The following FRMD3 variants were observed in gnomAD, a reference collection of about 807,000 sequenced individuals.
The protein encoded by FRMD3 is FERM domain containing 3, also known as FERM domain-containing protein 3.
Under a neutral mutation model 70.2 loss-of-function variants are expected in FRMD3, and 33 were observed. That is an observed-to-expected ratio of 0.47 (90% CI 0.36 to 0.63). The LOEUF (loss-of-function observed/expected upper bound fraction) is 0.63, where lower values mean the gene tolerates loss of function less well. FRMD3 is among the 20% of genes least tolerant of loss of function. The pLI is 0.00. For synonymous variants in FRMD3, 279 were observed against 255.9 expected (o/e 1.09, Z -0.86); for missense variants, 632 against 711.4 (o/e 0.89, Z 1.27).
chr9:83,370,930 AGTTG>A (rs140845247), intron 3 of FRMD3, among the ~76,000 whole-genome samples: 10,718 of 152,212 alleles, frequency 0.07, 433 homozygotes, highest in East Asian at 0.14. Flanking sequence ...TATGCATTTT[AGTTG>A]GTTGTTCAGA....
intron 5 of FRMD3, among the ~76,000 whole-genome samples, chr9:83,335,880 T>C (rs1438407658): frequency 6.6e-6 from 1 of 152,178 alleles, no homozygotes; most frequent in Non-Finnish European, 1.5e-5. Flanking sequence ...ATCAGTATAA[T>C]AAAGGATTTA....
At chr9:83,439,602 C>T (rs1031697806) in intron 1 of FRMD3, among the ~76,000 whole-genome samples, 3 of 152,244 alleles carry the variant, frequency 2.0e-5, no homozygotes, top group African/African-American at 7.2e-5. Flanking sequence ...GACGAAACCC[C>T]ATTTTAGCAG....
At chr9:83,559,939 G>A in the FRMD3 span, among the ~76,000 whole-genome samples, 1 of 151,732 alleles carries the variant, frequency 6.6e-6, no homozygotes, top group African/African-American at 2.4e-5. Flanking sequence ...CTTATTATAA[G>A]TATATACAGA....
chr9:83,284,063 T>TTTGTTA (rs1834092497), intron 13 of FRMD3, among the ~76,000 whole-genome samples: 1 of 8,100 alleles, frequency 1.2e-4, no homozygotes, highest in Non-Finnish European at 1.3e-3. Flanking sequence ...AGGATGTTAT[T>TTTGTTA]TTTTTTTTTT....
chr9:83,373,974 G>A (rs925641626), intron 2 of FRMD3, among the ~76,000 whole-genome samples: 1 of 152,194 alleles, frequency 6.6e-6, no homozygotes, highest in Non-Finnish European at 1.5e-5. Context: ...CATAATAAGA[G>A]CTGGCATTTG....
chr9:83,464,822 C>T (rs1246008697), intron 1 of FRMD3, among the ~76,000 whole-genome samples: 3 of 152,044 alleles, frequency 2.0e-5, no homozygotes, highest in African/African-American at 7.2e-5. Context: ...AATTCAAGAC[C>T]AGCCTGGCGA....
At chr9:83,527,611 C>T (rs868651253) in intron 1 of FRMD3, among the ~76,000 whole-genome samples, 10 of 152,256 alleles carry the variant, frequency 6.6e-5, no homozygotes, top group African/African-American at 2.2e-4. Flanking sequence ...CACCTGGAAG[C>T]GTGCTAAGAA....
intron 1 of FRMD3, among the ~76,000 whole-genome samples, chr9:83,493,038 T>TCC (rs771683922): frequency 4.2e-4 from 64 of 152,018 alleles, no homozygotes; most frequent in Non-Finnish European, 6.9e-4. Context: ...CTAGAATCCC[T>TCC]CCCTTGACTT....
At chr9:83,283,545 AAAATAATAATAAT>A (rs1394191809) in intron 13 of FRMD3, among the ~76,000 whole-genome samples, 951 of 25,158 alleles carry the variant, frequency 0.038, 11 homozygotes, top group African/African-American at 0.057. Context: ...AAAAAAAAAA[AAAATAATAATAAT>A]AATAATAATA....
At chr9:83,285,529 T>C (rs569679907) in intron 13 of FRMD3, among the ~76,000 whole-genome samples, 2 of 152,314 alleles carry the variant, frequency 1.3e-5, no homozygotes, top group African/African-American at 4.8e-5. Flanking sequence ...CTACCAAGCA[T>C]GGCTTTTCTA....
At chr9:83,564,876 A>C in the FRMD3 span, among the ~76,000 whole-genome samples, 1 of 152,208 alleles carries the variant, frequency 6.6e-6, no homozygotes, top group Non-Finnish European at 1.5e-5. Context: ...AGGAGGCCAT[A>C]AGATGGCATA....
chr9:83,442,582 G>C (rs1301953825), intron 1 of FRMD3, among the ~76,000 whole-genome samples: 2 of 151,788 alleles, frequency 1.3e-5, no homozygotes, highest in Non-Finnish European at 2.9e-5. Context: ...TAATAGGGAG[G>C]AAAGCCAACG....
intron 13 of FRMD3, among the ~76,000 whole-genome samples, chr9:83,277,440 C>T (rs752646006): frequency 2.6e-5 from 4 of 152,188 alleles, no homozygotes; most frequent in Non-Finnish European, 5.9e-5. Flanking sequence ...TCATGGCTTA[C>T]TGTCGCCTCA....
At chr9:83,284,655 T>C (rs1186824511) in intron 13 of FRMD3, among the ~76,000 whole-genome samples, 2 of 152,176 alleles carry the variant, frequency 1.3e-5, no homozygotes, top group Non-Finnish European at 2.9e-5. Context: ...AATGCATATG[T>C]CCTGACACAT....
chr9:83,379,191 A>AGTAGG (rs1459790629), intron 2 of FRMD3, among the ~76,000 whole-genome samples: 48 of 152,046 alleles, frequency 3.2e-4, no homozygotes, highest in Non-Finnish European at 5.9e-5. Context: ...TTCCAATTAG[A>AGTAGG]GTTATGAGTT....
At chr9:83,438,229 T>C (rs1011176610) in intron 1 of FRMD3, among the ~76,000 whole-genome samples, 2 of 152,218 alleles carry the variant, frequency 1.3e-5, no homozygotes, top group Non-Finnish European at 2.9e-5. Context: ...AATATAACAT[T>C]ACTCCAAAGA....
intron 10 of FRMD3, among the ~76,000 whole-genome samples, chr9:83,305,627 A>G (rs1423971206): frequency 1.3e-5 from 2 of 152,210 alleles, no homozygotes; most frequent in Admixed American, 1.3e-4. Flanking sequence ...AGACAGCACT[A>G]AAGTGACCTG....
intron 6 of FRMD3, chr9:83,331,976 C>T (rs1261445547): frequency 4.3e-6 from 3 of 692,068 alleles, no homozygotes; most frequent in Non-Finnish European, 8.0e-6. Context: ...CCTTCCAGGG[C>T]TCTTTTCCTT....
chr9:83,314,750 C>T lies in FRMD3; in HGVS notation c.597-1003G>A, dbSNP rs137940382. Among the ~76,000 whole-genome samples, 1,449 of 152,198 alleles carry T rather than the reference C, an allele frequency of 9.5e-3. 23 individuals are homozygous for T. The highest frequency in any genetic ancestry group is 0.033 in the African/African-American group (1,350 of 41,522). ...GCATCTTTATTTATTCATCATGATC[C>T]GCACAGTGTAGATCCTTTTAATCCA... On this transcript the variant is annotated intron_variant, in intron 6 of 13. Transcript: ENST00000304195.
Sources: gnomAD v4.1 joint callset for allele counts (sites outside exome capture counted in the v4.1 genomes callset) on GRCh38, gnomAD v4.1.1 for gene constraint, MANE v1.5 for transcripts, NCBI Gene and HGNC (gene_info 2026-07-23, HGNC 2026-07-21) for gene names.